The following KAT6B variants were observed in gnomAD, a reference collection of about 807,000 sequenced individuals.
KAT6B encodes lysine acetyltransferase 6B.
Under a neutral mutation model 187.5 loss-of-function variants are expected in KAT6B, and 10 were observed. That is an observed-to-expected ratio of 0.05 (90% CI 0.03 to 0.09). KAT6B has a LOEUF of 0.09. Ranked by LOEUF, KAT6B falls within the 10% of genes least tolerant of loss-of-function variation. KAT6B has a pLI of 1.00. For missense variants in KAT6B, 1,952 were observed against 2,558.9 expected (o/e 0.76, Z 5.12); for synonymous variants, 861 against 926.8 (o/e 0.93, Z 1.29).
At chr10:74,955,615 C>G (rs1840633115) in intron 3 of KAT6B, among the ~76,000 whole-genome samples, 1 of 151,850 alleles carries the variant, frequency 6.6e-6, no homozygotes, top group Admixed American at 6.6e-5. Flanking sequence ...AAGTTACTCT[C>G]CAATCATAAC....
rs537124135 is a variant in KAT6B at position 74,980,026 on chromosome 10, G to A, written c.2231+687G>A. Among the ~76,000 whole-genome samples the A allele has an allele frequency of 1.1e-4, 16 of 152,312 alleles. No individual in the cohort carries two copies. The East Asian group carries it at 2.9e-3, about 28-fold the overall frequency. ...ATACAAAAATTAGCCAGACGTGATAGGACATGCCTGTAATCCCAGCTACTC... is the reference window on the plus strand; with the variant it reads ...ATACAAAAATTAGCCAGACGTGATAAGACATGCCTGTAATCCCAGCTACTC... On this transcript the variant is annotated intron_variant, in intron 10 of 17. Transcript: ENST00000287239.
intron 12 of KAT6B, among the ~76,000 whole-genome samples, chr10:74,986,144 T>G (rs1300129836): frequency 6.6e-6 from 1 of 152,216 alleles, no homozygotes; most frequent in Non-Finnish European, 1.5e-5. Context: ...GGGACGGATA[T>G]AGCTTGTCCT....
intron 3 of KAT6B, among the ~76,000 whole-genome samples, chr10:74,870,727 C>T (rs1469321179): frequency 2.0e-5 from 3 of 151,958 alleles, no homozygotes; most frequent in Non-Finnish European, 2.9e-5. Context: ...TACAGGCATG[C>T]GCCACCACGC....
At chr10:74,837,847 A>AT (rs10605934) in intron 1 of KAT6B, among the ~76,000 whole-genome samples, 179 of 142,220 alleles carry the variant, frequency 1.3e-3, no homozygotes, top group East Asian at 3.9e-3. Context: ...CTAGCTGTGT[A>AT]TTTTTTTTTT....
chr10:74,896,670 A>C (rs1010992134), intron 3 of KAT6B, among the ~76,000 whole-genome samples: 2 of 152,222 alleles, frequency 1.3e-5, no homozygotes, highest in Non-Finnish European at 2.9e-5. Flanking sequence ...ACTTTTTACC[A>C]ATTGTGCTTC....
chr10:75,020,460 C>T, intron 13 of KAT6B, 122 bp from the exon 14 acceptor site: 1 of 731,316 alleles, frequency 1.4e-6, no homozygotes, highest in South Asian at 1.5e-5. Context: ...ATTCCTAAAG[C>T]GAATGCACTT....
intron 3 of KAT6B, among the ~76,000 whole-genome samples, chr10:74,898,997 C>CAAAAAAAAAAAAAAA (rs776291985): frequency 3.1e-4 from 33 of 107,878 alleles, no homozygotes; most frequent in African/African-American, 9.5e-4. Context: ...ACTAAAAATA[C>CAAAAAAAAAAAAAAA]AAAAAAAAAA....
chr10:74,933,386 G>A (rs1849018585), intron 3 of KAT6B, among the ~76,000 whole-genome samples: 1 of 152,142 alleles, frequency 6.6e-6, no homozygotes, highest in African/African-American at 2.4e-5. Context: ...AGAGATGTAG[G>A]TCACCGTTGA....
intron 13 of KAT6B, among the ~76,000 whole-genome samples, chr10:74,994,637 A>G (rs1843313175): frequency 6.6e-6 from 1 of 151,796 alleles, no homozygotes. Context: ...AAACACAAAA[A>G]TGAGCCGGGC....
rs772686445 is a variant in KAT6B at position 75,031,024 on chromosome 10, A to G, written c.6200A>G (p.Asn2067Ser). Reference protein sequence around the residue: ...MNTGMSKQSLNGSYMRR With the variant: ...MNTGMSKQSLSGSYMRR ...ACAGGCATGTCCAAACAGTCTCTCA[A>G]TGGCTCCTACATGAGAAGGTAGACA... Residue 2067 changes from asparagine to serine, a missense_variant, in exon 18 of 18, where the codon AAT (asparagine) becomes AGT (serine). Physicochemically the swap from Asn to Ser is conservative, Grantham distance 46 (BLOSUM62 1). Around this residue, in one of 9 missense-constraint regions of KAT6B, gnomAD observed 358 missense variants for 436.3 expected, o/e 0.82. Coordinates refer to ENST00000287239, the MANE Select transcript of KAT6B (RefSeq NM_012330.4). 34 of 1,614,050 alleles carry G rather than the reference A, an allele frequency of 2.1e-5. No individual in the cohort carries two copies. Among genetic ancestry groups the G allele is most frequent in the Admixed American group, 3.3e-5 (2 of 60,002 alleles).
rs996995485 is a variant in KAT6B, at chr10:74,972,508, G to T, written c.930G>T (p.Gly310=). 1 of 1,581,046 alleles carries T rather than the reference G, an allele frequency of 6.3e-7. No individual in the cohort carries two copies. The highest frequency in any genetic ancestry group is 1.7e-5 in the Admixed American group (1 of 59,664). Residue 310 remains glycine, a splice_region_variant and synonymous_variant, in exon 7 of 18, where the codon GGG becomes GGT. Transcript: ENST00000287239. The part of the protein sequence containing the change: ...CDPPLSRMPK[G]MWICQVCRPK... ...TTTCTCATATATATATTAATTCAGG[G>T]ATGTGGATTTGCCAAGTCTGCAGAC...
intron 3 of KAT6B, among the ~76,000 whole-genome samples, chr10:74,947,841 G>C (rs1317366493): frequency 2.0e-5 from 3 of 152,214 alleles, no homozygotes; most frequent in African/African-American, 4.8e-5. Context: ...AGTATGCAGG[G>C]AGGGGCTTTG....
intron 13 of KAT6B, among the ~76,000 whole-genome samples, chr10:75,005,940 A>C (rs1174187311): frequency 6.6e-6 from 1 of 152,250 alleles, no homozygotes; most frequent in East Asian, 1.9e-4. Flanking sequence ...TCCACATGGA[A>C]ATAAATATGC....
At chr10:74,855,101 A>G (rs917374768) in intron 3 of KAT6B, among the ~76,000 whole-genome samples, 1 of 152,232 alleles carries the variant, frequency 6.6e-6, no homozygotes, top group Non-Finnish European at 1.5e-5. Context: ...GGTAATTGAG[A>G]TATCAGCGAC....
At chr10:74,946,003 C>T (rs975149939) in intron 3 of KAT6B, among the ~76,000 whole-genome samples, 7 of 152,072 alleles carry the variant, frequency 4.6e-5, no homozygotes, top group East Asian at 1.9e-4. Context: ...TGAAATAGAT[C>T]GTGTAAAATT....
chr10:74,989,992 C>T (rs368842243), intron 13 of KAT6B, among the ~76,000 whole-genome samples: 12 of 151,806 alleles, frequency 7.9e-5, no homozygotes, highest in Middle Eastern at 3.4e-3. Flanking sequence ...ATCAAGAGAT[C>T]GAGACCATCC....
At chr10:74,949,476 T>C (rs1840169466) in intron 3 of KAT6B, among the ~76,000 whole-genome samples, 1 of 152,106 alleles carries the variant, frequency 6.6e-6, no homozygotes, top group Non-Finnish European at 1.5e-5. Flanking sequence ...ACAAATGAGA[T>C]GCTATTGTTA....
intron 3 of KAT6B, among the ~76,000 whole-genome samples, chr10:74,934,116 G>A (rs771931037): frequency 1.3e-5 from 2 of 150,648 alleles, no homozygotes; most frequent in Non-Finnish European, 3.0e-5. Flanking sequence ...AACCTGGGAG[G>A]CGGAGGTTGC....
At position 75,022,129 on chromosome 10, in the gene KAT6B, T is replaced by G. The variant is rs569909731; in HGVS notation, c.3270T>G (p.Asp1090Glu). Reference sequence around the variant, plus strand: ...AAGAGGAGGAAGAAGAGGAAGAGGATGAAGAGGAGGAAGAAGAGGAAGAAG... The same window carrying G: ...AAGAGGAGGAAGAAGAGGAAGAGGAGGAAGAGGAGGAAGAAGAGGAAGAAG... ...EEEEEEEEEEDEEEEEEEEEE... is the reference protein window; with the variant it reads ...EEEEEEEEEEEEEEEEEEEEE... Residue 1090 changes from aspartate to glutamate, a missense_variant, in exon 16 of 18, where the codon GAT becomes GAG. Asp to Glu is a conservative substitution (Grantham distance 45). Coordinates refer to ENST00000287239, the MANE Select transcript of KAT6B (RefSeq NM_012330.4). The G allele has an allele frequency of 4.4e-6, 7 of 1,601,148 alleles. No homozygotes were observed. Among genetic ancestry groups the G allele is most frequent in the Non-Finnish European group, 5.9e-6 (7 of 1,176,736 alleles).
Sources: allele counts gnomAD v4.1 joint callset (sites outside exome capture counted in the v4.1 genomes callset), GRCh38; gene constraint gnomAD v4.1.1; regional missense constraint gnomAD v4.1.1; transcripts MANE v1.5; gene names NCBI Gene and HGNC (gene_info 2026-07-23, HGNC 2026-07-21).